The following C2 variants were observed in gnomAD, a reference collection of about 807,000 sequenced individuals.
C2 encodes complement C2.
Under a neutral mutation model 85.2 loss-of-function variants are expected in C2, and 64 were observed. The ratio of observed to expected loss-of-function variants is 0.75; its 90% CI spans 0.61 to 0.92. The LOEUF is 0.92. C2 is among the 40% of genes least tolerant of loss of function. The probability of loss-of-function intolerance (pLI) is 0.00; values close to 1 mark genes in which losing one functional copy is unlikely to be tolerated. For missense variants in C2, 820 were observed against 971.6 expected (o/e 0.84, Z 2.07); for synonymous variants, 311 against 370.8 (o/e 0.84, Z 1.85).
At position 31,928,799 on chromosome 6, in the gene C2, C is replaced by T. The variant is rs764977844; in HGVS notation, c.324C>T (p.Pro108=). Residue 108 remains proline, a synonymous_variant, in exon 3 of 18, where the codon CCC becomes CCT. Coordinates refer to ENST00000299367, the MANE Select transcript of C2 (RefSeq NM_000063.6). ...GIYTPRLGSY[P]VGGNVSFECE... Reference sequence around the variant, plus strand: ...ATACCCCACGGCTGGGGTCCTATCCCGTGGGTGGCAATGTGAGCTTCGAGT... The same window carrying T: ...ATACCCCACGGCTGGGGTCCTATCCTGTGGGTGGCAATGTGAGCTTCGAGT... 1.7e-5 allele frequency: 28 copies of T among 1,614,094 alleles called. No homozygotes were observed. The highest frequency in any genetic ancestry group is 2.0e-5 in the Non-Finnish European group (24 of 1,180,036).
upstream of C2, chr6:31,900,864 T>C (rs1162109758): frequency 3.7e-6 from 6 of 1,613,326 alleles, no homozygotes; most frequent in Non-Finnish European, 5.1e-6. The surrounding 1 kb of genome is among the most constrained non-coding windows in gnomAD (Gnocchi z 9.7). Flanking sequence ...TTGGTGGCGC[T>C]GATGCTGCTC....
At chr6:31,914,786 G>A (rs563780929) in intron 1 of C2, among the ~76,000 whole-genome samples, 23 of 151,750 alleles carry the variant, frequency 1.5e-4, no homozygotes, top group African/African-American at 5.1e-4. Flanking sequence ...GGTGGCAGGC[G>A]CCTGTAGTCC....
Position 31,933,803 on chromosome 6 carries a change from T to C in C2, c.616+20T>C. 1 of 1,613,706 alleles carries C rather than the reference T, an allele frequency of 6.2e-7. No individual in the cohort carries two copies. On this transcript the variant is annotated intron_variant, in intron 4 of 17. Transcript: ENST00000299367. Reference sequence around the variant, plus strand: ...GCCGCCGTGAGTAGCTGCCCTGCCCTCCTGAGATTCCTCGGCACACCCGGC... The same window carrying C: ...GCCGCCGTGAGTAGCTGCCCTGCCCCCCTGAGATTCCTCGGCACACCCGGC...
At chr6:31,937,237 A>G (rs1770494289) in intron 7 of C2, 82 bp from the exon 8 acceptor site, 1 of 1,452,174 alleles carries the variant, frequency 6.9e-7, no homozygotes, top group Non-Finnish European at 9.6e-7. Flanking sequence ...ATTTCCAATA[A>G]TTGGGGGAAT....
chr6:31,924,450 A>T (rs983403755), upstream of C2, among the ~76,000 whole-genome samples: 6 of 152,200 alleles, frequency 3.9e-5, no homozygotes, highest in Admixed American at 1.3e-4. Flanking sequence ...AGAGTCCACC[A>T]TTCTGTCCAC....
Position 31,945,402 on chromosome 6 carries a change from C to A in C2, c.*45C>A. ...TGCTGCCCTGCCAGAATCTGCCGCCCCTCCATCTTCTACCTCTGAATGGCC... is the reference window on the plus strand; with the variant it reads ...TGCTGCCCTGCCAGAATCTGCCGCCACTCCATCTTCTACCTCTGAATGGCC... On this transcript the variant is annotated 3_prime_UTR_variant, in exon 18 of 18. Coordinates refer to ENST00000299367, the MANE Select transcript of C2 (RefSeq NM_000063.6). This position sits in a 1 kb window ranked among gnomAD's most constrained non-coding sequence, Gnocchi z 5.3. 1.9e-6 allele frequency: 3 copies of A among 1,570,816 alleles called. No individual in the cohort carries two copies. The highest frequency in any genetic ancestry group is 2.6e-6 in the Non-Finnish European group (3 of 1,143,968).
At chr6:31,917,721 C>A (rs1768645638), upstream of C2, among the ~76,000 whole-genome samples, 3 of 151,892 alleles carry the variant, frequency 2.0e-5, no homozygotes, top group South Asian at 4.1e-4. Context: ...GCCTGGCCAA[C>A]ATGGTGAAAC....
intron 3 of C2, among the ~76,000 whole-genome samples, chr6:31,929,715 C>G (rs571916999): frequency 4.5e-5 from 3 of 67,130 alleles, no homozygotes; most frequent in African/African-American, 1.6e-4. Flanking sequence ...AAGACTCTGT[C>G]TCAAAAAAAA....
chr6:31,923,186 G>A (rs766562726), upstream of C2, among the ~76,000 whole-genome samples: 1 of 152,202 alleles, frequency 6.6e-6, no homozygotes, highest in African/African-American at 2.4e-5. Flanking sequence ...ATAAAGGTCT[G>A]GCATCTTTAG....
Position 31,945,475 on chromosome 6 carries a change from G to C in C2, c.*118G>C. ...CCTCTCTCCTAGCTGAGTAAATCCG[G>C]GTCTCTAGGATGCCAGAGGCAGCGC... On this transcript the variant is annotated 3_prime_UTR_variant, in exon 18 of 18. Coordinates refer to ENST00000299367, the MANE Select transcript of C2 (RefSeq NM_000063.6). The surrounding 1 kb of genome is among the most constrained non-coding windows in gnomAD (Gnocchi z 5.3). 1 of 1,024,492 alleles carries C rather than the reference G, an allele frequency of 9.8e-7. No homozygotes were observed. The highest frequency in any genetic ancestry group is 1.5e-6 in the Non-Finnish European group (1 of 667,724). 63.5% of individuals were successfully genotyped at this position (1,024,492 alleles called of 1,614,324 possible).
chr6:31,898,673 G>C (rs1173749987), upstream of C2, among the ~76,000 whole-genome samples: 1 of 139,638 alleles, frequency 7.2e-6, no homozygotes, highest in Non-Finnish European at 1.5e-5. Context: ...CTTTCCTGAA[G>C]ACATGACCTA....
chr6:31,943,011 T>C lies in C2; in HGVS notation c.1272T>C (p.Asn424=). 6.2e-7 allele frequency: 1 copy of C among 1,612,992 alleles called. No homozygotes were observed. Among genetic ancestry groups the C allele is most frequent in the Non-Finnish European group, 8.5e-7 (1 of 1,179,992 alleles). Residue 424 remains asparagine, a synonymous_variant, in exon 10 of 18, where the codon AAT becomes AAC. Transcript: ENST00000299367. This position sits in a 1 kb window ranked among gnomAD's most constrained non-coding sequence, Gnocchi z 6.4. The part of the protein sequence containing the change: ...GKLDVDWREL[N]ELGSKKDGER... ...TGGATGTGGACTGGAGAGAACTGAATGAGCTAGGGTCCAAGAAGGATGGTG... is the reference window on the plus strand; with the variant it reads ...TGGATGTGGACTGGAGAGAACTGAACGAGCTAGGGTCCAAGAAGGATGGTG...
Position 31,945,239 on chromosome 6 carries a change from G to A in C2, c.2141G>A (p.Arg714His), listed in dbSNP as rs745995611. 2.4e-5 allele frequency: 38 copies of A among 1,612,794 alleles called. No individual in the cohort carries two copies. The highest frequency in any genetic ancestry group is 2.8e-5 in the Non-Finnish European group (33 of 1,179,994). Residue 714 changes from arginine to histidine, a missense_variant, in exon 18 of 18, where the codon CGC becomes CAC. Physicochemically the swap from Arg to His is conservative, Grantham distance 29. Coordinates refer to ENST00000299367, the MANE Select transcript of C2 (RefSeq NM_000063.6). This position sits in a 1 kb window ranked among gnomAD's most constrained non-coding sequence, Gnocchi z 5.3. The part of the protein sequence containing the change: ...PCLGSADKNS[R>H]KRAPRSKVPP... Reference sequence around the variant, plus strand: ...CTTGGCTCTGCTGACAAAAACTCCCGCAAAAGGGCCCCTCGTAGCAAGGTC... The same window carrying A: ...CTTGGCTCTGCTGACAAAAACTCCCACAAAAGGGCCCCTCGTAGCAAGGTC...
upstream of C2, chr6:31,900,545 C>T: frequency 5.0e-6 from 8 of 1,612,014 alleles, no homozygotes; most frequent in Non-Finnish European, 5.9e-6. This position sits in a 1 kb window ranked among gnomAD's most constrained non-coding sequence, Gnocchi z 9.7. Context: ...GGCTACAGTG[C>T]TGGGGGGAAC....
At chr6:31,910,603 G>A (rs1768027712) in intron 1 of C2, among the ~76,000 whole-genome samples, 1 of 152,008 alleles carries the variant, frequency 6.6e-6, no homozygotes. Flanking sequence ...GGTAGAAATA[G>A]AACTATGAAA....
chr6:31,935,837 C>T lies in C2; in HGVS notation c.850-86C>T, dbSNP rs958349996. 3.8e-5 allele frequency: 55 copies of T among 1,463,448 alleles called. 1 individual carries two copies. In the African/African-American group the frequency reaches 7.4e-4, roughly 20 times the overall value. 90.7% of individuals were successfully genotyped at this position (1,463,448 alleles called of 1,614,324 possible). ...GTCGGTCTCACTCCAGTTTCTCTGC[C>T]TCCTCCAGGGCCCTTTGTTTGCTCT... On this transcript the variant is annotated intron_variant, in intron 6 of 17. Transcript: ENST00000299367. This position sits in a 1 kb window ranked among gnomAD's most constrained non-coding sequence, Gnocchi z 4.3.
chr6:31,942,768 C>A, intron 9 of C2, 191 bp from the exon 10 acceptor site: 1 of 658,792 alleles, frequency 1.5e-6, no homozygotes, highest in Non-Finnish European at 2.6e-6. Context: ...TTCAAAGAGG[C>A]TGTGTGCTGC....
intron 3 of C2, among the ~76,000 whole-genome samples, chr6:31,931,851 C>G (rs1769786151): frequency 6.6e-6 from 1 of 151,080 alleles, no homozygotes; most frequent in African/African-American, 2.4e-5. Flanking sequence ...CGGGCAGAGG[C>G]GCCCCTCACC....
At position 31,921,372 on chromosome 6, in the gene C2, T is replaced by C. The variant is rs1360261221; in HGVS notation, c.-100+1346T>C. 5.3e-5 allele frequency among the ~76,000 whole-genome samples: 8 copies of C among 151,328 alleles called. No individual in the cohort carries two copies. In the East Asian group the frequency reaches 1.5e-3, roughly 29 times the overall value. ...GAAGGTGGGAAATGGCGTGGACAGG[T>C]CTTGTAGGAGTCTGGAAGATGAGGG... is the stretch of plus-strand genomic sequence containing the variant. On this transcript the variant is annotated intron_variant, in intron 1 of 3. Transcript: ENST00000413154. This position sits in a 1 kb window ranked among gnomAD's most constrained non-coding sequence, Gnocchi z 4.6.
Sources: gnomAD v4.1 joint callset for allele counts (sites outside exome capture counted in the v4.1 genomes callset) on GRCh38, gnomAD v4.1.1 for gene constraint, Gnocchi (gnomAD v3.1) non-coding constraint, MANE v1.5 for transcripts, NCBI Gene and HGNC (gene_info 2026-07-23, HGNC 2026-07-21) for gene names.